Variants in SSH1 observed in about 807,000 individuals in gnomAD.
The protein encoded by SSH1 is slingshot protein phosphatase 1.
SSH1 carries 43 observed loss-of-function variants against 79.7 expected under a neutral mutation model. The observed-to-expected ratio is 0.54, with a 90% confidence interval of 0.42 to 0.70. The LOEUF (loss-of-function observed/expected upper bound fraction) is 0.70. SSH1 is among the 30% of genes least tolerant of loss of function. The pLI, the probability that SSH1 is intolerant of heterozygous loss-of-function variation, is 0.00. For synonymous variants in SSH1, 599 were observed against 538.3 expected (o/e 1.11, Z -1.56); for missense variants, 1,206 against 1,358.8 (o/e 0.89, Z 1.77).
At chr12:108,829,454 G>C (rs781411415) in intron 2 of SSH1, among the ~76,000 whole-genome samples, 4 of 152,098 alleles carry the variant, frequency 2.6e-5, no homozygotes, top group Non-Finnish European at 5.9e-5. Context: ...TTCCTTACAG[G>C]GTTCTGTTCA....
intron 2 of SSH1, among the ~76,000 whole-genome samples, chr12:108,830,104 A>G (rs1413883836): frequency 6.6e-6 from 1 of 152,192 alleles, no homozygotes; most frequent in South Asian, 2.1e-4. Flanking sequence ...TTGTCTCCAG[A>G]AAGTTCCAGG....
chr12:108,856,980 C>A (rs2039157311), intron 1 of SSH1, among the ~76,000 whole-genome samples: 1 of 152,240 alleles, frequency 6.6e-6, no homozygotes, highest in African/African-American at 2.4e-5. Context: ...GGGGTCACAC[C>A]TGAAATCACA....
chr12:108,827,460 G>A (rs1244155535), intron 2 of SSH1: 42 of 1,298,440 alleles, frequency 3.2e-5, no homozygotes, highest in Non-Finnish European at 4.0e-5. Flanking sequence ...CTTCCACGAG[G>A]GCTGGGGAGC....
At chr12:108,826,214 A>C (rs779885807) in intron 2 of SSH1, 5 of 442,946 alleles carry the variant, frequency 1.1e-5, no homozygotes, top group Admixed American at 1.1e-4. Flanking sequence ...GGAAAAAAAA[A>C]GGAACAATGC....
rs1043656852 is a variant in SSH1 at position 108,786,021 on chromosome 12, C to G, written c.*1967G>C. The G allele has an allele frequency of 6.6e-6, 1 of 152,170 alleles. No individual in the cohort carries two copies. The highest frequency in any genetic ancestry group is 2.4e-5 in the African/African-American group (1 of 41,436). The allele number at this position is 152,170 out of a possible 1,614,324, so 9.4% of individuals were successfully genotyped here. ...ATGTATGTATTTTTAAAAATCACTC[C>G]AAGGAGACAAAGTCCTGGAGGGAGG... On this transcript the variant is annotated 3_prime_UTR_variant, in exon 15 of 15. Transcript: ENST00000326495.
At chr12:108,805,329 A>G (rs1207605522) in intron 9 of SSH1, 145 bp from the exon 10 acceptor site, 14 of 830,866 alleles carry the variant, frequency 1.7e-5, no homozygotes, top group Non-Finnish European at 2.5e-5. Flanking sequence ...ATTTAGATAC[A>G]CGCAACATAC....
Position 108,787,066 on chromosome 12 carries a change from G to A in SSH1, c.*922C>T, listed in dbSNP as rs751762843. The A allele has an allele frequency of 6.6e-6, 1 of 152,264 alleles. No individual in the cohort carries two copies. The highest frequency in any genetic ancestry group is 1.5e-5 in the Non-Finnish European group (1 of 68,062). The allele number at this position is 152,264 out of a possible 1,614,324, so 9.4% of individuals were successfully genotyped here. On this transcript the variant is annotated 3_prime_UTR_variant, in exon 15 of 15. Coordinates refer to ENST00000326495, the MANE Select transcript of SSH1 (RefSeq NM_018984.4). ...CTTTCCCTTCCCTAGATGGGCCCTA[G>A]TGGACCTAAGCATCTGGGCTCTCAG...
At chr12:108,811,603 G>A in intron 5 of SSH1, 3 of 496,388 alleles carry the variant, frequency 6.0e-6, no homozygotes, top group South Asian at 6.0e-5. Flanking sequence ...CAGGGCTGGT[G>A]CTCTGCTGGC....
intron 2 of SSH1, among the ~76,000 whole-genome samples, chr12:108,840,756 C>T (rs562116689): frequency 3.9e-5 from 6 of 152,270 alleles, no homozygotes; most frequent in South Asian, 2.1e-4. Flanking sequence ...TCTTTCTAAA[C>T]GGACGCTGCT....
chr12:108,853,395 C>A, intron 1 of SSH1: 1 of 968,356 alleles, frequency 1.0e-6, no homozygotes, highest in Non-Finnish European at 1.2e-6. Context: ...CACATACACA[C>A]CCCCCAAACA....
At position 108,807,974 on chromosome 12, in the gene SSH1, C is replaced by G; in HGVS notation, c.537-147G>C. On this transcript the variant is annotated intron_variant, in intron 7 of 14. Transcript: ENST00000326495. The surrounding 1 kb of genome is among the most constrained non-coding windows in gnomAD (Gnocchi z 5.2). ...TTTTTGGGACAGAGTCTCGCTCTGT[C>G]ACTCCCAGGCTAGAGTGCAGTGGCA... 1.3e-6 allele frequency: 1 copy of G among 761,606 alleles called. No homozygotes were observed. The highest frequency in any genetic ancestry group is 1.7e-5 in the African/African-American group (1 of 58,638). The allele number at this position is 761,606 out of a possible 1,614,324, so 47.2% of individuals were successfully genotyped here.
chr12:108,805,483 C>T (rs948037025), intron 9 of SSH1, among the ~76,000 whole-genome samples: 1 of 151,992 alleles, frequency 6.6e-6, no homozygotes, highest in African/African-American at 2.4e-5. Context: ...AATTAAATGT[C>T]AAATACATCA....
chr12:108,808,423 AAAC>A lies in SSH1; in HGVS notation c.537-599_537-597del, dbSNP rs548608925. On this transcript the variant is annotated intron_variant, in intron 7 of 14. Coordinates refer to ENST00000326495, the MANE Select transcript of SSH1 (RefSeq NM_018984.4). Reference sequence around the variant, plus strand: ...ATTATTTCCAAAGAGCAGCAGAAACAAACAACAACAAACTACTTCATAACTCTT... The same window carrying A: ...ATTATTTCCAAAGAGCAGCAGAAACAAACAACAAACTACTTCATAACTCTT... Among the ~76,000 whole-genome samples, 23 of 152,368 alleles carry A rather than the reference AAAC, an allele frequency of 1.5e-4. No individual in the cohort carries two copies. In the South Asian group the frequency reaches 3.3e-3, roughly 22 times the overall value.
At position 108,817,912 on chromosome 12, in the gene SSH1, C is replaced by T. The variant is rs1411357667; in HGVS notation, c.279+337G>A. On this transcript the variant is annotated intron_variant, in intron 4 of 14. Transcript: ENST00000326495. ...CAGGTTTCACAATTAAAAATTAAAA[C>T]TTGCTGGCTGGGCACGGTGGCTTAC... 2.0e-5 allele frequency among the ~76,000 whole-genome samples: 3 copies of T among 151,806 alleles called. No homozygotes were observed. The East Asian group carries it at 5.8e-4, about 30-fold the overall frequency.
intron 2 of SSH1, among the ~76,000 whole-genome samples, chr12:108,844,735 T>C (rs2038859578): frequency 6.6e-6 from 1 of 152,200 alleles, no homozygotes; most frequent in South Asian, 2.1e-4. Context: ...GTGATAACAA[T>C]CTGTCATAAG....
intron 11 of SSH1, 115 bp downstream of exon 11, chr12:108,802,207 G>T: frequency 1.1e-6 from 1 of 886,960 alleles, no homozygotes. Context: ...CCACTTCAGA[G>T]ACCAGGGTGC....
At chr12:108,829,516 G>C (rs541263751) in intron 2 of SSH1, among the ~76,000 whole-genome samples, 1 of 152,296 alleles carries the variant, frequency 6.6e-6, no homozygotes, top group South Asian at 2.1e-4. Flanking sequence ...GGTAAGCCAA[G>C]CCAGCCCAAG....
chr12:108,855,723 T>G (rs561057573), intron 1 of SSH1, among the ~76,000 whole-genome samples: 3 of 152,186 alleles, frequency 2.0e-5, no homozygotes, highest in African/African-American at 7.2e-5. Context: ...CTCCTCGCTG[T>G]GGGAAGGAAA....
intron 2 of SSH1, among the ~76,000 whole-genome samples, chr12:108,838,566 T>C (rs1447742516): frequency 6.6e-6 from 1 of 152,220 alleles, no homozygotes; most frequent in Non-Finnish European, 1.5e-5. Flanking sequence ...AGGATGTGAC[T>C]CAGCATCCTG....
Sources: allele counts gnomAD v4.1 joint callset (sites outside exome capture counted in the v4.1 genomes callset), GRCh38; gene constraint gnomAD v4.1.1; non-coding constraint Gnocchi (gnomAD v3.1); transcripts MANE v1.5; gene names NCBI Gene and HGNC (gene_info 2026-07-23, HGNC 2026-07-21).